The following DNAH10 variants were observed in gnomAD, a reference collection of about 807,000 sequenced individuals.
DNAH10 encodes axonemal beta dynein heavy chain 10.
A neutral mutation model predicts 506.6 loss-of-function variants in DNAH10; 348 were observed. The observed-to-expected ratio is 0.69, with a 90% CI of 0.63 to 0.75. The LOEUF is 0.75. Ranked by LOEUF, DNAH10 falls within the 30% of genes least tolerant of loss-of-function variation. The probability of loss-of-function intolerance (pLI) is 0.00; values close to 1 mark genes in which losing one functional copy is unlikely to be tolerated. For synonymous variants in DNAH10, 2,059 were observed against 2,198.6 expected (o/e 0.94, Z 1.78); for missense variants, 5,179 against 5,787.1 (o/e 0.89, Z 3.41).
In DNAH10 at chr12:123,783,959, C is replaced by G. The variant is rs768483550; in HGVS notation, c.1012C>G (p.Leu338Val). ...TTTCACCTCTCAGGGTAAAGGCCCT[C>G]TGGCTGAAATTGAATTCTGGAGGGA... ...LKKTPQGKGP[L>V]AEIEFWRERN... is the part of the protein sequence containing the mutation. Residue 338 changes from leucine (L) to valine (V), a missense_variant, in exon 8 of 79, where the codon CTG (leucine) becomes GTG (valine). Leu to Val is a conservative substitution (Grantham distance 32, BLOSUM62 1). This residue lies in a region of DNAH10 where 4,844 missense variants were observed against 5,430.5 expected (regional missense o/e 0.89). Transcript: ENST00000673944. 2 of 1,614,208 alleles carry G rather than the reference C, an allele frequency of 1.2e-6. No individual in the cohort carries two copies. Among genetic ancestry groups the G allele is most frequent in the Non-Finnish European group, 1.7e-6 (2 of 1,180,026 alleles).
chr12:123,820,659 A>G lies in DNAH10; in HGVS notation c.4080A>G (p.Lys1360=), dbSNP rs745618742. 2 of 1,613,914 alleles carry G rather than the reference A, an allele frequency of 1.2e-6. No individual in the cohort carries two copies. Among genetic ancestry groups the G allele is most frequent in the East Asian group, 2.2e-5 (1 of 44,902 alleles). Reference sequence around the variant, plus strand: ...GTCAGGAACTGGCTAACGCTGAGAAACTTTTCGATCTTCCTATTACAATGT... The same window carrying G: ...GTCAGGAACTGGCTAACGCTGAGAAGCTTTTCGATCTTCCTATTACAATGT... ...KSRQELANAE[K]LFDLPITMYP... The change falls in exon 24 of 79, where the codon AAA becomes AAG. Residue 1360 remains lysine, a synonymous_variant. Transcript: ENST00000673944.
At position 123,796,786 on chromosome 12, in the gene DNAH10, G is replaced by A. The variant is rs368726286; in HGVS notation, c.2117G>A (p.Arg706Gln). The A allele has an allele frequency of 9.3e-6, 15 of 1,613,880 alleles. No homozygotes were observed. Among genetic ancestry groups the A allele is most frequent in the Admixed American group, 1.7e-5 (1 of 59,986 alleles). Residue 706 changes from arginine to glutamine, a missense_variant, in exon 13 of 79, where the codon CGA becomes CAA. Coordinates refer to ENST00000673944, the MANE Select transcript of DNAH10 (RefSeq NM_001372106.1). ...TTTCGGATTAAGCATACCATCCTCC[G>A]ATTTCAAGAGGTACAAGAGATACTG... Reference protein sequence around the residue: ...LFFRIKHTILRFQEVQEILDS... With the variant: ...LFFRIKHTILQFQEVQEILDS...
rs1454063646 is a variant in DNAH10, at chr12:123,859,218, C to T, written c.6699C>T (p.Thr2233=). ...ACACGACGATGGTGGTGGGGCCCAC[C>T]AGAGGGGGCAAGTCCGTCGTCATTA... ...TRHTTMVVGP[T]RGGKSVVINT... The change falls in exon 38 of 79, where the codon ACC becomes ACT. Residue 2233 remains threonine (T), a synonymous_variant. Coordinates refer to ENST00000673944, the MANE Select transcript of DNAH10 (RefSeq NM_001372106.1). 3 of 1,611,276 alleles carry T rather than the reference C, an allele frequency of 1.9e-6. No homozygotes were observed. The highest frequency in any genetic ancestry group is 1.7e-4 in the Middle Eastern group (1 of 6,056).
intron 32 of DNAH10, among the ~76,000 whole-genome samples, chr12:123,847,320 C>A (rs1473619281): frequency 1.4e-5 from 2 of 139,466 alleles, no homozygotes; most frequent in African/African-American, 6.3e-5. Flanking sequence ...ATCTATCTAT[C>A]TATCTATCTA....
rs1316297503 is a variant in DNAH10 at position 123,934,147 on chromosome 12, G to A, written c.13478-474G>A. 6.0e-6 allele frequency: 4 copies of A among 670,752 alleles called. No individual in the cohort carries two copies. The Admixed American group carries it at 8.3e-5, about 14-fold the overall frequency. The allele number at this position is 670,752 out of a possible 1,614,324, so 41.6% of individuals were successfully genotyped here. A position where few individuals can be genotyped will look rare whatever the true frequency, so the allele number is the denominator to read the frequency against. On this transcript the variant is annotated intron_variant, in intron 77 of 78. Transcript: ENST00000673944. ...GCCACCACTCTCTCTGGGGCCACAG[G>A]AGTGTGTTCCTCTCTTTGCACATCT... is the stretch of plus-strand genomic sequence containing the variant.
intron 76 of DNAH10, among the ~76,000 whole-genome samples, chr12:123,932,358 C>T (rs1396442459): frequency 6.6e-6 from 1 of 152,124 alleles, no homozygotes; most frequent in Non-Finnish European, 1.5e-5. Flanking sequence ...GGCACTTGTT[C>T]CATATTAGTA....
intron 19 of DNAH10, among the ~76,000 whole-genome samples, chr12:123,809,205 C>T (rs1020317574): frequency 6.6e-5 from 10 of 152,156 alleles, no homozygotes; most frequent in Admixed American, 5.2e-4. Flanking sequence ...ATCAGTAAGT[C>T]CTCCAAACAT....
At chr12:123,878,241 C>G (rs1199061986) in intron 48 of DNAH10, among the ~76,000 whole-genome samples, 2 of 152,064 alleles carry the variant, frequency 1.3e-5, no homozygotes, top group African/African-American at 4.8e-5. Flanking sequence ...TCAGTCGTTG[C>G]CGGTTGGTTA....
chr12:123,798,450 A>G (rs1958359735), intron 13 of DNAH10, among the ~76,000 whole-genome samples: 2 of 152,130 alleles, frequency 1.3e-5, no homozygotes, highest in African/African-American at 4.8e-5. Context: ...CCAAGAACTC[A>G]CTCAGCATCA....
intron 30 of DNAH10, among the ~76,000 whole-genome samples, chr12:123,845,177 T>C (rs1335250420): frequency 6.6e-6 from 1 of 152,070 alleles, no homozygotes; most frequent in East Asian, 1.9e-4. Flanking sequence ...TAATTTATTT[T>C]TTGTAGAGAT....
intron 44 of DNAH10, 89 bp from the exon 45 acceptor site, chr12:123,871,368 T>G: frequency 6.9e-7 from 1 of 1,446,398 alleles, no homozygotes; most frequent in South Asian, 1.3e-5. Context: ...TTTATGGGAT[T>G]TGTGGGGTTC....
chr12:123,832,109 G>C (rs1960619376), intron 26 of DNAH10, among the ~76,000 whole-genome samples: 1 of 152,016 alleles, frequency 6.6e-6, no homozygotes, highest in African/African-American at 2.4e-5. Context: ...TGTGCACACA[G>C]TGTACCTAAC....
At chr12:123,871,970 G>A (rs1336600435) in intron 45 of DNAH10, among the ~76,000 whole-genome samples, 4 of 152,174 alleles carry the variant, frequency 2.6e-5, no homozygotes, top group Non-Finnish European at 4.4e-5. Context: ...TGTCTTTTAT[G>A]ACCTGGCCTT....
intron 48 of DNAH10, among the ~76,000 whole-genome samples, chr12:123,878,219 T>C (rs958010584): frequency 1.3e-5 from 2 of 152,248 alleles, no homozygotes; most frequent in Non-Finnish European, 2.9e-5. Context: ...TGGAGCCTTT[T>C]GCTCACATAA....
At position 123,781,118 on chromosome 12, in the gene DNAH10, G is replaced by A. The variant is rs755061538; in HGVS notation, c.660G>A (p.Thr220=). The stretch of plus-strand genomic sequence containing the variant: ...CATTGTCCTTCAATCAGCACAGGAC[G>A]AGTACAACCGTGGGAGTCACATCTG... ...LPALSFNQHR[T]STTVGVTSGE... The change falls in exon 6 of 79, where the codon ACG becomes ACA. Residue 220 remains threonine, a synonymous_variant. Transcript: ENST00000673944. 3 of 1,613,864 alleles carry A rather than the reference G, an allele frequency of 1.9e-6. No homozygotes were observed. The highest frequency in any genetic ancestry group is 1.7e-6 in the Non-Finnish European group (2 of 1,179,890).
At position 123,832,256 on chromosome 12, in the gene DNAH10, A is replaced by G. The variant is rs182698327; in HGVS notation, c.4546-858A>G. On this transcript the variant is annotated intron_variant, in intron 26 of 78. Transcript: ENST00000673944. Reference sequence around the variant, plus strand: ...TACACACAGTGTACCTAATATATACATGTACACATAATGTACACTATGTAT... The same window carrying G: ...TACACACAGTGTACCTAATATATACGTGTACACATAATGTACACTATGTAT... Among the ~76,000 whole-genome samples the G allele has an allele frequency of 2.6e-3, 394 of 152,304 alleles. 1 individual carries two copies. Among genetic ancestry groups the G allele is most frequent in the Non-Finnish European group, 3.0e-3 (204 of 68,012 alleles).
rs1954310466 is a variant in DNAH10 at position 123,913,215 on chromosome 12, A to G, written c.10252A>G (p.Ile3418Val). 3 of 1,610,204 alleles carry G rather than the reference A, an allele frequency of 1.9e-6. No individual in the cohort carries two copies. The highest frequency in any genetic ancestry group is 2.2e-5 in the East Asian group (1 of 44,806). ...ETLGAKYEAA[I>V]LEKQKLQEEA... ...ATTGGGTGCCAAATATGAGGCCGCC[A>G]TACTGGAAAAGCAGAAGCTGCAGGA... is the stretch of plus-strand genomic sequence containing the variant. Residue 3418 changes from isoleucine to valine, a missense_variant, in exon 60 of 79, where the codon ATA becomes GTA. By Grantham distance (29) the Ile-to-Val change is conservative. This residue lies in a region of DNAH10 where 4,844 missense variants were observed against 5,430.5 expected (regional missense o/e 0.89). Coordinates refer to ENST00000673944, the MANE Select transcript of DNAH10 (RefSeq NM_001372106.1). This position sits in a 1 kb window ranked among gnomAD's most constrained non-coding sequence, Gnocchi z 5.1.
intron 59 of DNAH10, 143 bp downstream of exon 59, chr12:123,910,815 A>C: frequency 1.9e-6 from 2 of 1,060,506 alleles, no homozygotes; most frequent in Non-Finnish European, 2.6e-6. Context: ...CACCCAATAA[A>C]TGGCAATCCT....
At chr12:123,791,155 G>A (rs1046370561) in intron 11 of DNAH10, among the ~76,000 whole-genome samples, 2 of 151,636 alleles carry the variant, frequency 1.3e-5, no homozygotes, top group Admixed American at 6.6e-5. Context: ...AAACAAAAAC[G>A]TGAAAAAAAA....
Sources: gnomAD v4.1 joint callset for allele counts (sites outside exome capture counted in the v4.1 genomes callset) on GRCh38, gnomAD v4.1.1 for gene constraint, gnomAD v4.1.1 regional missense constraint, Gnocchi (gnomAD v3.1) non-coding constraint, MANE v1.5 for transcripts, NCBI Gene and HGNC (gene_info 2026-07-23, HGNC 2026-07-21) for gene names.